Variants in PLCL2 observed in about 807,000 individuals in gnomAD.
PLCL2 encodes the protein phospholipase C like 2.
Under a neutral mutation model 79.6 loss-of-function variants are expected in PLCL2, and 4 were observed. That is an observed-to-expected ratio of 0.05 (90% CI 0.02 to 0.11). The LOEUF (loss-of-function observed/expected upper bound fraction) is 0.11. Ranked by LOEUF, PLCL2 falls within the 10% of genes least tolerant of loss-of-function variation. PLCL2 has a pLI of 1.00. For missense variants in PLCL2, 895 were observed against 1,291.0 expected (o/e 0.69, Z 4.70); for synonymous variants, 484 against 457.7 (o/e 1.06, Z -0.73).
chr3:16,951,552 A>G (rs1181346139), intron 1 of PLCL2, among the ~76,000 whole-genome samples: 3 of 151,586 alleles, frequency 2.0e-5, no homozygotes, highest in Non-Finnish European at 4.4e-5. Flanking sequence ...TCTTTTCTAT[A>G]TGTTTATTTT....
chr3:17,089,244 A>G (rs1380683350), intron 5 of PLCL2, among the ~76,000 whole-genome samples: 2 of 152,204 alleles, frequency 1.3e-5, no homozygotes, highest in African/African-American at 4.8e-5. Context: ...TACCCCCATC[A>G]GTGTCTTGGT....
At chr3:17,021,388 T>C (rs979054770) in intron 3 of PLCL2, among the ~76,000 whole-genome samples, 4 of 152,190 alleles carry the variant, frequency 2.6e-5, no homozygotes, top group Non-Finnish European at 5.9e-5. Context: ...AACGATACAG[T>C]GTGCTGGTAA....
chr3:16,998,269 G>A (rs2064174117), intron 1 of PLCL2, among the ~76,000 whole-genome samples: 1 of 152,092 alleles, frequency 6.6e-6, no homozygotes, highest in Non-Finnish European at 1.5e-5. Flanking sequence ...ATTAATGATT[G>A]AGAAGTTACT....
intron 4 of PLCL2, among the ~76,000 whole-genome samples, chr3:17,053,875 G>GA (rs1255534162): frequency 6.6e-6 from 1 of 152,122 alleles, no homozygotes; most frequent in Non-Finnish European, 1.5e-5. Flanking sequence ...GAAGGTCTCT[G>GA]AAATACTTTT....
intron 1 of PLCL2, among the ~76,000 whole-genome samples, chr3:16,940,875 C>T (rs928286305): frequency 2.0e-5 from 3 of 152,170 alleles, no homozygotes; most frequent in Non-Finnish European, 4.4e-5. Flanking sequence ...ACAGGAAGTG[C>T]TTCATGAGGG....
At chr3:17,053,207 A>C (rs2124930555) in intron 4 of PLCL2, among the ~76,000 whole-genome samples, 1 of 152,328 alleles carries the variant, frequency 6.6e-6, no homozygotes, top group Admixed American at 6.5e-5. Flanking sequence ...AGGAAGCATG[A>C]TGCTGGCATC....
At chr3:16,977,692 A>T (rs2063941073) in intron 1 of PLCL2, among the ~76,000 whole-genome samples, 1 of 152,222 alleles carries the variant, frequency 6.6e-6, no homozygotes, top group Non-Finnish European at 1.5e-5. Context: ...AGTAATACTC[A>T]TTGGAGCCTC....
chr3:17,003,695 GT>G (rs1051649235), intron 1 of PLCL2, among the ~76,000 whole-genome samples: 2 of 152,150 alleles, frequency 1.3e-5, no homozygotes, highest in African/African-American at 4.8e-5. Flanking sequence ...GCCTGTATCT[GT>G]TTAGAATTTG....
intron 1 of PLCL2, among the ~76,000 whole-genome samples, chr3:16,954,108 G>A (rs2063678913): frequency 6.6e-6 from 1 of 152,108 alleles, no homozygotes; most frequent in Non-Finnish European, 1.5e-5. Flanking sequence ...CATGTGCCAT[G>A]TTGGTGTGCT....
chr3:16,988,722 A>G (rs1241453494), intron 1 of PLCL2, among the ~76,000 whole-genome samples: 3 of 152,144 alleles, frequency 2.0e-5, no homozygotes, highest in Non-Finnish European at 4.4e-5. Context: ...GCTGATTTGT[A>G]TCAACTAGGT....
chr3:16,932,702 C>T (rs1697435896), intron 1 of PLCL2, among the ~76,000 whole-genome samples: 1 of 152,082 alleles, frequency 6.6e-6, no homozygotes, highest in Non-Finnish European at 1.5e-5. Flanking sequence ...TACAGGAGAT[C>T]CAGAGCATAT....
At chr3:17,037,080 G>C (rs1424796367) in intron 3 of PLCL2, among the ~76,000 whole-genome samples, 1 of 152,188 alleles carries the variant, frequency 6.6e-6, no homozygotes, top group Non-Finnish European at 1.5e-5. Flanking sequence ...ATTCTGACTA[G>C]ATGGGAAAAA....
chr3:17,059,914 G>A (rs1278570804), intron 4 of PLCL2, among the ~76,000 whole-genome samples: 2 of 152,316 alleles, frequency 1.3e-5, no homozygotes, highest in Middle Eastern at 6.8e-3. Context: ...AGTCACGAGG[G>A]CCTTGTATGT....
intron 3 of PLCL2, among the ~76,000 whole-genome samples, chr3:17,025,940 C>T (rs557836258): frequency 9.4e-4 from 143 of 152,290 alleles, no homozygotes; most frequent in African/African-American, 3.3e-3. Flanking sequence ...GAGCAGCGCA[C>T]GTGTCTGGAG....
chr3:17,012,459 C>T (rs891226662), intron 2 of PLCL2, among the ~76,000 whole-genome samples: 2 of 152,114 alleles, frequency 1.3e-5, no homozygotes, highest in African/African-American at 4.8e-5. Context: ...TAATAGTATA[C>T]ATGGGAATCT....
intron 1 of PLCL2, among the ~76,000 whole-genome samples, chr3:16,975,594 G>A (rs1313121724): frequency 1.3e-5 from 2 of 152,172 alleles, no homozygotes; most frequent in African/African-American, 2.4e-5. Flanking sequence ...CTAGGTCATG[G>A]TGATGCTCAG....
intron 1 of PLCL2, among the ~76,000 whole-genome samples, chr3:17,000,634 C>T (rs767283844): frequency 6.6e-6 from 1 of 152,044 alleles, no homozygotes; most frequent in African/African-American, 2.4e-5. Context: ...TACTCTCTAC[C>T]TCCATGAGTT....
chr3:16,957,616 G>C (rs2063718474), intron 1 of PLCL2, among the ~76,000 whole-genome samples: 1 of 152,118 alleles, frequency 6.6e-6, no homozygotes, highest in Non-Finnish European at 1.5e-5. Flanking sequence ...TCTGTCTAAT[G>C]TTGACAGTGG....
At chr3:16,926,771 A>G (rs1379122992) in intron 1 of PLCL2, among the ~76,000 whole-genome samples, 1 of 151,884 alleles carries the variant, frequency 6.6e-6, no homozygotes, top group East Asian at 1.9e-4. Context: ...AGCTGAGACT[A>G]CAGGCACCCG....
Sources: gnomAD v4.1 joint callset for allele counts (sites outside exome capture counted in the v4.1 genomes callset) on GRCh38, gnomAD v4.1.1 for gene constraint, MANE v1.5 for transcripts, NCBI Gene and HGNC (gene_info 2026-07-23, HGNC 2026-07-21) for gene names.